Variants in DPP10 observed in about 807,000 individuals in gnomAD.
The protein encoded by DPP10 is dipeptidyl peptidase like 10, also known as inactive dipeptidyl peptidase 10.
A neutral mutation model predicts 120.9 loss-of-function variants in DPP10; 33 were observed. That is an observed-to-expected ratio of 0.27 (90% CI 0.21 to 0.37). The LOEUF is 0.37. Among genes scored for constraint, DPP10 ranks in the 10% least tolerant of loss-of-function variants. DPP10 has a pLI of 1.00. For missense variants in DPP10, 816 were observed against 942.8 expected (o/e 0.87, Z 1.76); for synonymous variants, 337 against 326.1 (o/e 1.03, Z -0.36).
chr2:114,826,466 A>G (rs1297394329), intron 1 of DPP10, among the ~76,000 whole-genome samples: 1 of 152,210 alleles, frequency 6.6e-6, no homozygotes, highest in East Asian at 1.9e-4. Context: ...AAGCATAAAA[A>G]GTTTATTTAT....
chr2:115,689,930 A>G lies in DPP10; in HGVS notation c.576+9A>G, dbSNP rs1404015483. 2 of 1,613,572 alleles carry G rather than the reference A, an allele frequency of 1.2e-6. No individual in the cohort carries two copies. The highest frequency in any genetic ancestry group is 1.3e-5 in the African/African-American group (1 of 74,904). On this transcript the variant is annotated intron_variant, in intron 7 of 25. Transcript: ENST00000410059. ...TCCAAGGGCAGCAGCTGGTAAGCGC[A>G]GGCATTGGTATGCACTGAACACTGC...
intron 8 of DPP10, among the ~76,000 whole-genome samples, chr2:115,734,952 A>G (rs1223779175): frequency 6.6e-6 from 1 of 152,200 alleles, no homozygotes; most frequent in Non-Finnish European, 1.5e-5. Context: ...TTAGCCATTA[A>G]CAGCCAAAGG....
At chr2:114,529,264 A>G (rs1262549600) in intron 1 of DPP10, among the ~76,000 whole-genome samples, 1 of 152,114 alleles carries the variant, frequency 6.6e-6, no homozygotes, top group Non-Finnish European at 1.5e-5. Context: ...TCTTTAGGCC[A>G]ACCACTTTTT....
intron 3 of DPP10, among the ~76,000 whole-genome samples, chr2:115,476,014 C>T (rs1310655597): frequency 1.3e-5 from 2 of 152,048 alleles, no homozygotes; most frequent in Admixed American, 6.6e-5. Context: ...TGAGTTAATA[C>T]TGGAGTGAGT....
chr2:115,407,649 G>A (rs2068620414), intron 3 of DPP10, among the ~76,000 whole-genome samples: 1 of 151,940 alleles, frequency 6.6e-6, no homozygotes, highest in African/African-American at 2.4e-5. Flanking sequence ...TGTGTACATG[G>A]AGAGGGAGGC....
chr2:115,556,430 C>A (rs575489747), intron 5 of DPP10, among the ~76,000 whole-genome samples: 89 of 144,688 alleles, frequency 6.2e-4, no homozygotes, highest in African/African-American at 2.0e-3. Flanking sequence ...TGGCCCAAGG[C>A]AATTCTTCTT....
intron 19 of DPP10, among the ~76,000 whole-genome samples, chr2:115,811,878 C>A (rs1686688109): frequency 6.6e-6 from 1 of 152,090 alleles, no homozygotes; most frequent in Admixed American, 6.5e-5. Context: ...GTACAACTAG[C>A]CGAAATTCTT....
intron 1 of DPP10, among the ~76,000 whole-genome samples, chr2:114,927,881 T>C (rs1285220509): frequency 6.6e-6 from 1 of 152,162 alleles, no homozygotes; most frequent in Non-Finnish European, 1.5e-5. Flanking sequence ...GGAGCCAGTA[T>C]GTGCAGAGAT....
chr2:115,002,631 T>C (rs1200678217), intron 1 of DPP10, among the ~76,000 whole-genome samples: 1 of 152,168 alleles, frequency 6.6e-6, no homozygotes, highest in Non-Finnish European at 1.5e-5. Flanking sequence ...AAAGGTTTAA[T>C]ATCTAGAATT....
chr2:115,152,033 C>T (rs149268772), intron 1 of DPP10, among the ~76,000 whole-genome samples: 2 of 151,756 alleles, frequency 1.3e-5, no homozygotes, highest in East Asian at 3.9e-4. Flanking sequence ...TCATGTGTTG[C>T]ATGATGATTT....
At chr2:115,663,930 G>A (rs1398993280) in intron 5 of DPP10, among the ~76,000 whole-genome samples, 2 of 152,074 alleles carry the variant, frequency 1.3e-5, no homozygotes, top group Non-Finnish European at 2.9e-5. Context: ...GGGAGGCAGA[G>A]GTTGCAGTGA....
chr2:115,519,604 A>T (rs1159431173), intron 4 of DPP10, among the ~76,000 whole-genome samples: 1 of 152,252 alleles, frequency 6.6e-6, no homozygotes, highest in Non-Finnish European at 1.5e-5. Flanking sequence ...ATAGCTACAG[A>T]GAACAATCAA....
intron 5 of DPP10, among the ~76,000 whole-genome samples, chr2:115,636,535 G>A (rs1027033806): frequency 3.9e-5 from 6 of 151,994 alleles, no homozygotes; most frequent in Non-Finnish European, 8.8e-5. Context: ...CAAAACAGTT[G>A]TGTGTATGTT....
chr2:115,752,634 C>A (rs1461535353), intron 10 of DPP10, among the ~76,000 whole-genome samples: 1 of 152,074 alleles, frequency 6.6e-6, no homozygotes, highest in Non-Finnish European at 1.5e-5. Context: ...ACCTTGGTAG[C>A]CAAAGTCCCC....
At chr2:115,067,545 C>A (rs1373986253) in intron 1 of DPP10, among the ~76,000 whole-genome samples, 3 of 147,636 alleles carry the variant, frequency 2.0e-5, no homozygotes, top group African/African-American at 7.4e-5. Flanking sequence ...AGCCACCGCG[C>A]CCAGCCAGAA....
chr2:115,115,461 T>C (rs927101539), intron 1 of DPP10, among the ~76,000 whole-genome samples: 1 of 152,186 alleles, frequency 6.6e-6, no homozygotes, highest in Non-Finnish European at 1.5e-5. Context: ...CATCAAAGCT[T>C]AATGTCACTT....
rs551350833 is a variant in DPP10 at position 115,002,538 on chromosome 2, G to A, written c.61-306701G>A. ...ATAAATGGCATCTAATTGAACTAAAGAGCTACTGCTCGGCAAAATAAACTA... is the reference window on the plus strand; with the variant it reads ...ATAAATGGCATCTAATTGAACTAAAAAGCTACTGCTCGGCAAAATAAACTA... On this transcript the variant is annotated intron_variant, in intron 1 of 25. Transcript: ENST00000410059. Among the ~76,000 whole-genome samples, 5 of 152,148 alleles carry A rather than the reference G, an allele frequency of 3.3e-5. No homozygotes were observed. The South Asian group carries it at 1.0e-3, about 32-fold the overall frequency.
At chr2:114,902,526 TTTCAAAGGAATCGTGGCTATTA>T (rs142974539) in intron 1 of DPP10, among the ~76,000 whole-genome samples, 1,648 of 152,338 alleles carry the variant, frequency 0.011, 28 homozygotes, top group African/African-American at 0.038. Flanking sequence ...CATGTTCTTT[TTTCAAAGGAATCGTGGCTATTA>T]TTGACCTGTT....
chr2:115,400,287 A>G (rs2067974237), intron 3 of DPP10, among the ~76,000 whole-genome samples: 1 of 152,188 alleles, frequency 6.6e-6, no homozygotes, highest in Non-Finnish European at 1.5e-5. Context: ...AATGGAAAGA[A>G]GTGAATGAAT....
Sources: allele counts gnomAD v4.1 joint callset (sites outside exome capture counted in the v4.1 genomes callset), GRCh38; gene constraint gnomAD v4.1.1; transcripts MANE v1.5; gene names NCBI Gene and HGNC (gene_info 2026-07-23, HGNC 2026-07-21).